The following NR2F1-AS1 variants were observed in gnomAD, a reference collection of about 807,000 sequenced individuals.
The protein encoded by NR2F1-AS1 is NR2F1 regulatory antisense RNA 1, also known as NR2F1 antisense RNA 1.
At chr5:93,471,164 T>C (rs939463320) in intron 4 of NR2F1-AS1, among the ~76,000 whole-genome samples, 5 of 151,948 alleles carry the variant, frequency 3.3e-5, no homozygotes, top group African/African-American at 1.2e-4. Context: ...AACTATATAC[T>C]GATCAACTGA....
intron 4 of NR2F1-AS1, among the ~76,000 whole-genome samples, chr5:93,417,819 C>T (rs1748999508): frequency 6.6e-6 from 1 of 152,166 alleles, no homozygotes; most frequent in Non-Finnish European, 1.5e-5. Flanking sequence ...CACATGTCTG[C>T]AGCACTGTTC....
chr5:93,479,251 G>T (rs183406074), intron 4 of NR2F1-AS1, among the ~76,000 whole-genome samples: 1 of 152,120 alleles, frequency 6.6e-6, no homozygotes, highest in Non-Finnish European at 1.5e-5. Context: ...ATTTTGATCC[G>T]TTTGGAAGTT....
intron 4 of NR2F1-AS1, among the ~76,000 whole-genome samples, chr5:93,521,395 C>A (rs1278818165): frequency 1.3e-5 from 2 of 152,042 alleles, no homozygotes; most frequent in Non-Finnish European, 2.9e-5. Flanking sequence ...TTCTGCACAG[C>A]AAAAGAAACT....
At chr5:93,454,865 C>T (rs769566788) in intron 4 of NR2F1-AS1, among the ~76,000 whole-genome samples, 4 of 152,156 alleles carry the variant, frequency 2.6e-5, no homozygotes, top group Admixed American at 6.5e-5. Flanking sequence ...CCCTGAGAGG[C>T]CATGGAAGCT....
At chr5:93,483,258 C>A (rs1262284577) in intron 4 of NR2F1-AS1, among the ~76,000 whole-genome samples, 1 of 152,166 alleles carries the variant, frequency 6.6e-6, no homozygotes, top group Non-Finnish European at 1.5e-5. Flanking sequence ...AAGGAAAAGG[C>A]AGCAATCTTT....
chr5:93,477,142 A>C (rs1750501957), intron 4 of NR2F1-AS1, among the ~76,000 whole-genome samples: 1 of 152,188 alleles, frequency 6.6e-6, no homozygotes, highest in African/African-American at 2.4e-5. Flanking sequence ...GTCTGCACTA[A>C]CAGAAGGCCC....
At chr5:93,436,875 G>T (rs1308967579) in intron 4 of NR2F1-AS1, among the ~76,000 whole-genome samples, 3 of 151,154 alleles carry the variant, frequency 2.0e-5, no homozygotes, top group African/African-American at 7.3e-5. Flanking sequence ...TCCTGGAGAG[G>T]TTTACACTCA....
At chr5:93,497,122 C>G (rs1218246428) in intron 4 of NR2F1-AS1, among the ~76,000 whole-genome samples, 1 of 151,620 alleles carries the variant, frequency 6.6e-6, no homozygotes, top group African/African-American at 2.4e-5. Flanking sequence ...CCTCCATATG[C>G]TTCAGTGATT....
At chr5:93,547,783 A>G (rs1561494511) in intron 4 of NR2F1-AS1, among the ~76,000 whole-genome samples, 1 of 152,228 alleles carries the variant, frequency 6.6e-6, no homozygotes, top group Non-Finnish European at 1.5e-5. Context: ...TTATATCACC[A>G]GAATAGAAAA....
At chr5:93,550,689 T>C (rs1752206266) in intron 4 of NR2F1-AS1, among the ~76,000 whole-genome samples, 1 of 152,206 alleles carries the variant, frequency 6.6e-6, no homozygotes, top group Non-Finnish European at 1.5e-5. Flanking sequence ...AAGGCAGGAA[T>C]TACATTGTGT....
intron 1 of NR2F1-AS1, among the ~76,000 whole-genome samples, chr5:93,565,249 AT>A (rs997395875): frequency 6.6e-6 from 1 of 152,154 alleles, no homozygotes; most frequent in African/African-American, 2.4e-5. Context: ...ACTGAAAAAA[AT>A]GTTTTAATTA....
At chr5:93,473,825 T>C (rs981912150) in intron 4 of NR2F1-AS1, among the ~76,000 whole-genome samples, 4 of 151,868 alleles carry the variant, frequency 2.6e-5, no homozygotes, top group Non-Finnish European at 5.9e-5. Flanking sequence ...ATTTAAATAG[T>C]GGCACAGCAT....
In NR2F1-AS1 at chr5:93,462,885, G is replaced by A. The variant is rs539402695; in HGVS notation, n.639-67343C>T. On this transcript the variant is annotated intron_variant and non_coding_transcript_variant, in intron 4 of 5. Coordinates refer to ENST00000660523, the Ensembl canonical transcript of NR2F1-AS1. ...AGCAAAACATTCTAAAGGTGACTTCGGTGCTGTTAAAAGCATTCAGTTTTA... is the reference window on the plus strand; with the variant it reads ...AGCAAAACATTCTAAAGGTGACTTCAGTGCTGTTAAAAGCATTCAGTTTTA... Among the ~76,000 whole-genome samples, 21 of 152,208 alleles carry A rather than the reference G, an allele frequency of 1.4e-4. No individual in the cohort carries two copies. The East Asian group carries it at 1.9e-3, about 14-fold the overall frequency.
chr5:93,547,427 G>A (rs1752114441), intron 4 of NR2F1-AS1, among the ~76,000 whole-genome samples: 1 of 152,026 alleles, frequency 6.6e-6, no homozygotes, highest in Non-Finnish European at 1.5e-5. Flanking sequence ...CATGTCCCTT[G>A]AATCTCTTTG....
chr5:93,497,037 T>A (rs977944543), intron 4 of NR2F1-AS1, among the ~76,000 whole-genome samples: 1 of 152,084 alleles, frequency 6.6e-6, no homozygotes, highest in African/African-American at 2.4e-5. Context: ...TCCAAATGAG[T>A]GGACTTCTAA....
At chr5:93,562,190 AAAAAAAAAAGAAAAG>A (rs1339796020) in intron 2 of NR2F1-AS1, among the ~76,000 whole-genome samples, 1 of 125,858 alleles carries the variant, frequency 7.9e-6, no homozygotes, top group Non-Finnish European at 1.7e-5. Context: ...CTACAAAAAA[AAAAAAAAAAGAAAAG>A]AAAAGAAAAG....
chr5:93,469,440 G>A (rs1041621712), intron 4 of NR2F1-AS1, among the ~76,000 whole-genome samples: 130 of 152,020 alleles, frequency 8.6e-4, no homozygotes, highest in African/African-American at 2.8e-3. Flanking sequence ...GAAACATCAC[G>A]CAGTGCATTA....
At chr5:93,458,301 A>G (rs753427229) in intron 4 of NR2F1-AS1, among the ~76,000 whole-genome samples, 2 of 152,212 alleles carry the variant, frequency 1.3e-5, no homozygotes, top group African/African-American at 2.4e-5. Flanking sequence ...CAGTACTTAA[A>G]CTATCATAAC....
chr5:93,434,381 T>G (rs116600786), intron 4 of NR2F1-AS1, among the ~76,000 whole-genome samples: 1,972 of 152,316 alleles, frequency 0.013, 16 homozygotes, highest in Non-Finnish European at 0.019. Context: ...TCAGGCATCG[T>G]ATAAAGAACT....
Sources: gnomAD v4.1 joint callset for allele counts (sites outside exome capture counted in the v4.1 genomes callset) on GRCh38, gnomAD v4.1.1 for gene constraint, MANE v1.5 for transcripts, NCBI Gene and HGNC (gene_info 2026-07-23, HGNC 2026-07-21) for gene names.